The following TUBA3C variants were observed in gnomAD, a reference collection of about 807,000 sequenced individuals.
TUBA3C encodes the protein tubulin alpha-3C chain.
In TUBA3C, 23 loss-of-function variants were observed where a neutral mutation model predicts 33.4. That is an observed-to-expected ratio of 0.69 (90% CI 0.50 to 0.98). The LOEUF (loss-of-function observed/expected upper bound fraction) is 0.98, where lower values mean the gene tolerates loss of function less well. Among genes scored for constraint, TUBA3C ranks in the 50% least tolerant of loss-of-function variants. The pLI, the probability that TUBA3C is intolerant of heterozygous loss-of-function variation, is 0.00. For missense variants in TUBA3C, 402 were observed against 616.0 expected (o/e 0.65, Z 3.68); for synonymous variants, 269 against 250.4 (o/e 1.07, Z -0.70).
At position 19,177,651 on chromosome 13, in the gene TUBA3C, C is replaced by T. The variant is rs1399618895; in HGVS notation, c.376-44G>A. 2 of 1,528,430 alleles carry T rather than the reference C, an allele frequency of 1.3e-6. No individual in the cohort carries two copies. Among genetic ancestry groups the T allele is most frequent in the Admixed American group, 2.2e-5 (1 of 46,196 alleles). 94.7% of individuals were successfully genotyped at this position (1,528,430 alleles called of 1,614,324 possible). On this transcript the variant is annotated intron_variant, in intron 3 of 4. Coordinates refer to ENST00000400113, the MANE Select transcript of TUBA3C (RefSeq NM_006001.3). This position sits in a 1 kb window ranked among gnomAD's most constrained non-coding sequence, Gnocchi z 5.0. ...CATGAATCAATGCCCGTGGAAGCCA[C>T]ACCACCAACCTCCACCAAGCCAGGG...
chr13:19,181,538 A>G (rs1869417779), intron 1 of TUBA3C, among the ~76,000 whole-genome samples: 2 of 152,084 alleles, frequency 1.3e-5, no homozygotes, highest in Non-Finnish European at 2.9e-5. Context: ...TTCGTCTAAA[A>G]CAAAAGCTGC....
chr13:19,174,433 AT>A (rs11312319), intron 4 of TUBA3C, among the ~76,000 whole-genome samples: 60,267 of 145,058 alleles, frequency 0.42, 12,389 homozygotes, highest in East Asian at 0.52. Context: ...CATGCCCAGC[AT>A]TTTTTTTTTT....
chr13:19,178,174 G>T, intron 3 of TUBA3C, 72 bp downstream of exon 3: 1 of 1,583,030 alleles, frequency 6.3e-7, no homozygotes, highest in South Asian at 1.2e-5. Flanking sequence ...TTGACAAAAT[G>T]ACCTCCCCTT....
Position 19,178,351 on chromosome 13 carries a change from C to T in TUBA3C, c.270G>A (p.Glu90=), listed in dbSNP as rs371693951. The change falls in exon 3 of 5, where the codon GAG becomes GAA. Residue 90 remains glutamate, a synonymous_variant. Coordinates refer to ENST00000400113, the MANE Select transcript of TUBA3C (RefSeq NM_006001.3). ...CATCTTCCTTCCCGGTGATCAGCTG[C>T]TCTGGGTGGAAGAGCTGCCTATAGG... ...TGTYRQLFHP[E]QLITGKEDAA... 16 of 1,614,076 alleles carry T rather than the reference C, an allele frequency of 9.9e-6. No individual in the cohort carries two copies. The African/African-American group carries it at 1.9e-4, about 19-fold the overall frequency.
chr13:19,177,203 C>A lies in TUBA3C; in HGVS notation c.780G>T (p.Val260=), dbSNP rs1421941762. The part of the protein sequence containing the change: ...VDLTEFQTNL[V]PYPRIHFPLA... ...GGGGGAAGTGGATGCGGGGGTACGG[C>A]ACTAGGTTGGTCTGGAATTCCGTCA... The change falls in exon 4 of 5, where the codon GTG becomes GTT. Residue 260 remains valine, a synonymous_variant. Transcript: ENST00000400113. This position sits in a 1 kb window ranked among gnomAD's most constrained non-coding sequence, Gnocchi z 5.0. 6.2e-7 allele frequency: 1 copy of A among 1,614,078 alleles called. No homozygotes were observed.
chr13:19,180,737 T>G (rs1427049939), intron 1 of TUBA3C, among the ~76,000 whole-genome samples: 1 of 151,274 alleles, frequency 6.6e-6, no homozygotes, highest in African/African-American at 2.4e-5. Context: ...CCTTTTGATA[T>G]GCCCGCCTTG....
chr13:19,176,748 A>AAAAAAAAAAAAAAAAAAAAAAAAAAAAAC (rs1869194450), intron 4 of TUBA3C, among the ~76,000 whole-genome samples, 179 bp downstream of exon 4: 1 of 139,406 alleles, frequency 7.2e-6, no homozygotes, highest in Non-Finnish European at 1.5e-5. Flanking sequence ...AAAAAAAAAA[A>AAAAAAAAAAAAAAAAAAAAAAAAAAAAAC]AAAAAAAAAA....
chr13:19,176,035 G>A (rs1303783923), intron 4 of TUBA3C, among the ~76,000 whole-genome samples: 2 of 152,176 alleles, frequency 1.3e-5, no homozygotes, highest in Non-Finnish European at 2.9e-5. Context: ...GGGCCACCAT[G>A]CCCATCCAAT....
At chr13:19,176,160 C>G (rs1008538012) in intron 4 of TUBA3C, among the ~76,000 whole-genome samples, 1 of 151,028 alleles carries the variant, frequency 6.6e-6, no homozygotes, top group Non-Finnish European at 1.5e-5. Context: ...GGCTCATGCC[C>G]GTAATCCCAA....
At position 19,174,073 on chromosome 13, in the gene TUBA3C, G is replaced by C. The variant is rs759756003; in HGVS notation, c.1143C>G (p.Thr381=). 6.2e-7 allele frequency: 1 copy of C among 1,614,062 alleles called. No individual in the cohort carries two copies. ...GAGCCCAGGCCTCCGCGATGGCCGTGGTGTTGCTCAGCATGCACACAGCCC... is the reference window on the plus strand; with the variant it reads ...GAGCCCAGGCCTCCGCGATGGCCGTCGTGTTGCTCAGCATGCACACAGCCC... ...VQRAVCMLSN[T]TAIAEAWARL... is the part of the protein sequence containing the mutation. Residue 381 remains threonine (T), a synonymous_variant, in exon 5 of 5, where the codon ACC becomes ACG. Coordinates refer to ENST00000400113, the MANE Select transcript of TUBA3C (RefSeq NM_006001.3).
Position 19,178,412 on chromosome 13 carries a change from T to G in TUBA3C, c.227-18A>C. 4 of 1,613,830 alleles carry G rather than the reference T, an allele frequency of 2.5e-6. No individual in the cohort carries two copies. The highest frequency in any genetic ancestry group is 2.2e-5 in the South Asian group (2 of 91,044). On this transcript the variant is annotated intron_variant, in intron 2 of 4. Coordinates refer to ENST00000400113, the MANE Select transcript of TUBA3C (RefSeq NM_006001.3). ...CACTTCATCTACAAAAGAGACCGTA[T>G]GTACTGTGAATCTTTAAGGCCTATA...
At chr13:19,178,422 A>C in intron 2 of TUBA3C, 28 bp from the exon 3 acceptor site, 3 of 1,613,200 alleles carry the variant, frequency 1.9e-6, no homozygotes, top group Non-Finnish European at 2.5e-6. Context: ...TGTACTGTGA[A>C]TCTTTAAGGC....
chr13:19,175,626 G>A (rs895556690), intron 4 of TUBA3C, among the ~76,000 whole-genome samples: 6 of 152,184 alleles, frequency 3.9e-5, no homozygotes, highest in African/African-American at 1.4e-4. Context: ...GTAAGATCTT[G>A]TCTGAACACA....
At chr13:19,175,246 C>G (rs1476173725) in intron 4 of TUBA3C, among the ~76,000 whole-genome samples, 1 of 151,884 alleles carries the variant, frequency 6.6e-6, no homozygotes. Flanking sequence ...AGCAAGACTC[C>G]GTCTCAAAAA....
chr13:19,179,465 A>G lies in TUBA3C; in HGVS notation c.102T>C (p.Gly34=), dbSNP rs2138958248. 6.2e-7 allele frequency: 1 copy of G among 1,614,046 alleles called. No homozygotes were observed. Among genetic ancestry groups the G allele is most frequent in the Admixed American group, 1.7e-5 (1 of 60,012 alleles). The change falls in exon 2 of 5, where the codon GGT becomes GGC. Residue 34 remains glycine (G), a synonymous_variant. Transcript: ENST00000400113. ...YCLEHGIQPD[G]QMPSDKTIGG... is the part of the protein sequence containing the mutation. ...CAATGGTTTTATCACTTGGCATCTG[A>G]CCATCGGGCTGAATTCCATGTTCCA...
At chr13:19,176,136 G>A (rs1300490019) in intron 4 of TUBA3C, among the ~76,000 whole-genome samples, 1 of 151,740 alleles carries the variant, frequency 6.6e-6, no homozygotes, top group African/African-American at 2.4e-5. Flanking sequence ...TAAATAAATA[G>A]GGTTGAGCAC....
chr13:19,181,633 C>G, intron 1 of TUBA3C, 112 bp downstream of exon 1: 1 of 1,505,012 alleles, frequency 6.6e-7, no homozygotes, highest in Middle Eastern at 1.7e-4. Flanking sequence ...TCTCTGACCT[C>G]CTTTCTGCAC....
At chr13:19,181,131 C>A (rs910442780) in intron 1 of TUBA3C, among the ~76,000 whole-genome samples, 1 of 151,282 alleles carries the variant, frequency 6.6e-6, no homozygotes, top group Admixed American at 6.6e-5. Context: ...TGACTCACTG[C>A]GGCCTCGAAG....
intron 4 of TUBA3C, among the ~76,000 whole-genome samples, chr13:19,176,273 G>A (rs1335716546): frequency 6.6e-6 from 1 of 152,018 alleles, no homozygotes; most frequent in Non-Finnish European, 1.5e-5. Context: ...AAAATTAGCT[G>A]GGTGTAGTGG....
Sources: gnomAD v4.1 joint callset for allele counts (sites outside exome capture counted in the v4.1 genomes callset) on GRCh38, gnomAD v4.1.1 for gene constraint, Gnocchi (gnomAD v3.1) non-coding constraint, MANE v1.5 for transcripts, NCBI Gene and HGNC (gene_info 2026-07-23, HGNC 2026-07-21) for gene names.